The following EXOC5 variants were observed in gnomAD, a reference collection of about 807,000 sequenced individuals.
EXOC5 encodes SEC10-like 1.
A neutral mutation model predicts 90.8 loss-of-function variants in EXOC5; 17 were observed. The ratio of observed to expected loss-of-function variants is 0.19; its 90% confidence interval spans 0.13 to 0.28. The LOEUF is 0.28. Among genes scored for constraint, EXOC5 ranks in the 10% least tolerant of loss-of-function variants. The pLI is 1.00. For synonymous variants in EXOC5, 260 were observed against 270.0 expected (o/e 0.96, Z 0.36); for missense variants, 569 against 830.6 (o/e 0.69, Z 3.87).
chr14:57,260,640 A>AATT (rs1566507343), intron 1 of EXOC5, among the ~76,000 whole-genome samples: 1 of 152,162 alleles, frequency 6.6e-6, no homozygotes, highest in East Asian at 1.9e-4. Flanking sequence ...TTCCTGTTAC[A>AATT]CTAGTCTCAG....
chr14:57,231,542 G>C lies in EXOC5; in HGVS notation c.1112C>G (p.Ser371Trp). Reference protein sequence around the residue: ...SAMILQRYYDSKNHQKRSIGT... With the variant: ...SAMILQRYYDWKNHQKRSIGT... Reference sequence around the variant, plus strand: ...AATGGATCTCTTTTGATGGTTTTTCGAATCATAATAGCGCTGTAGGATCAT... The same window carrying C: ...AATGGATCTCTTTTGATGGTTTTTCCAATCATAATAGCGCTGTAGGATCAT... Residue 371 changes from serine (S) to tryptophan (W), a missense_variant, in exon 11 of 18, where the codon TCG becomes TGG. Physicochemically the swap from Ser to Trp is radical, Grantham distance 177 (BLOSUM62 -3). Coordinates refer to ENST00000621441, the MANE Select transcript of EXOC5 (RefSeq NM_006544.4). 6.2e-7 allele frequency: 1 copy of C among 1,611,182 alleles called. No individual in the cohort carries two copies.
At position 57,265,241 on chromosome 14, in the gene EXOC5, TACTCAACAAATATCTGTAGAATGA is replaced by T. The variant is rs552978620; in HGVS notation, c.27+3357_27+3380del. On this transcript the variant is annotated intron_variant, in intron 1 of 17. Transcript: ENST00000621441. ...AGAACTTTATCTTGAACTTAAAAGGTACTCAACAAATATCTGTAGAATGAATGAATAATTAACCCTAGTTACTAA... is the reference window on the plus strand; with the variant it reads ...AGAACTTTATCTTGAACTTAAAAGGTATGAATAATTAACCCTAGTTACTAA... 2.6e-4 allele frequency among the ~76,000 whole-genome samples: 39 copies of T among 151,974 alleles called. 1 individual carries two copies. In the East Asian group the frequency reaches 7.4e-3, roughly 29 times the overall value.
At chr14:57,244,429 A>C (rs141489979) in intron 3 of EXOC5, 70 bp from the exon 4 acceptor site, 24 of 1,034,366 alleles carry the variant, frequency 2.3e-5, no homozygotes, top group Non-Finnish European at 3.1e-5. Context: ...TACTACTCTT[A>C]TTGCTACTAA....
chr14:57,226,272 C>A (rs1439188069), intron 12 of EXOC5, among the ~76,000 whole-genome samples: 1 of 152,140 alleles, frequency 6.6e-6, no homozygotes, highest in Non-Finnish European at 1.5e-5. Context: ...CTTGAGTTTT[C>A]CCTTTGGCTT....
chr14:57,248,014 G>T (rs1030819230), intron 1 of EXOC5, among the ~76,000 whole-genome samples: 2 of 150,694 alleles, frequency 1.3e-5, no homozygotes, highest in African/African-American at 4.9e-5. Context: ...AAATAAAATG[G>T]TCAAAAAAAT....
chr14:57,258,836 A>T (rs1884420905), intron 1 of EXOC5, among the ~76,000 whole-genome samples: 1 of 152,202 alleles, frequency 6.6e-6, no homozygotes, highest in Non-Finnish European at 1.5e-5. Flanking sequence ...AGCAGATCCA[A>T]TACAATGTGT....
intron 4 of EXOC5, among the ~76,000 whole-genome samples, chr14:57,241,409 T>C (rs1183596069): frequency 6.6e-6 from 1 of 152,202 alleles, no homozygotes; most frequent in Non-Finnish European, 1.5e-5. Flanking sequence ...GCAAAATCCA[T>C]CATTTTCTCC....
chr14:57,250,543 C>T (rs1226085953), intron 1 of EXOC5, among the ~76,000 whole-genome samples: 1 of 152,144 alleles, frequency 6.6e-6, no homozygotes, highest in East Asian at 1.9e-4. Context: ...TTGGCACTGG[C>T]ACCTGATTGA....
chr14:57,259,898 T>C (rs1179736944), intron 1 of EXOC5, among the ~76,000 whole-genome samples: 2 of 152,196 alleles, frequency 1.3e-5, no homozygotes, highest in Admixed American at 1.3e-4. Context: ...AAACACTAGC[T>C]AGTTGGGGCC....
chr14:57,259,986 C>G (rs866341655), intron 1 of EXOC5, among the ~76,000 whole-genome samples: 1 of 152,124 alleles, frequency 6.6e-6, no homozygotes, highest in Non-Finnish European at 1.5e-5. Context: ...GCAGGACCAC[C>G]ACCCCACAAC....
intron 15 of EXOC5, among the ~76,000 whole-genome samples, chr14:57,210,656 T>C (rs1280422767): frequency 6.6e-6 from 1 of 152,182 alleles, no homozygotes. Context: ...ATGTGGACAA[T>C]CCGTGGCTGT....
intron 15 of EXOC5, among the ~76,000 whole-genome samples, chr14:57,217,587 TG>T (rs767409779): frequency 9.9e-5 from 15 of 152,162 alleles, no homozygotes; most frequent in Non-Finnish European, 1.8e-4. Flanking sequence ...CTCCAGATAA[TG>T]GCTGTTTCCC....
chr14:57,225,308 C>G (rs72720606), intron 12 of EXOC5, among the ~76,000 whole-genome samples: 4,548 of 152,136 alleles, frequency 0.03, 109 homozygotes, highest in South Asian at 0.063. Context: ...AACCACTCAG[C>G]TAAGTAGGAT....
chr14:57,255,777 A>G (rs1408696647), intron 1 of EXOC5, among the ~76,000 whole-genome samples: 3 of 151,512 alleles, frequency 2.0e-5, no homozygotes, highest in Non-Finnish European at 4.4e-5. Context: ...AGTTGCAGTG[A>G]GCCAAGATCA....
chr14:57,211,517 T>C (rs1882824421), intron 15 of EXOC5, among the ~76,000 whole-genome samples: 3 of 152,254 alleles, frequency 2.0e-5, no homozygotes, highest in Middle Eastern at 3.4e-3. Context: ...GTTACTGTGT[T>C]CCAAGCACTG....
At chr14:57,265,165 G>A (rs1884630978) in intron 1 of EXOC5, among the ~76,000 whole-genome samples, 1 of 150,626 alleles carries the variant, frequency 6.6e-6, no homozygotes, top group East Asian at 2.0e-4. Context: ...CATCTCATAG[G>A]ATTAATATTT....
Position 57,230,860 on chromosome 14 carries a change from C to CA in EXOC5, c.1148+645dup, listed in dbSNP as rs936103798. 4.8e-4 allele frequency among the ~76,000 whole-genome samples: 69 copies of CA among 145,052 alleles called. 1 individual carries two copies. The highest frequency in any genetic ancestry group is 3.5e-3 in the Middle Eastern group (1 of 286). The stretch of plus-strand genomic sequence containing the variant: ...ATTTTTTTCACACCTGCAACAGTAA[C>CA]AAAAAAAAGATGCGTTTCCTGGTCA... On this transcript the variant is annotated intron_variant, in intron 11 of 17. Coordinates refer to ENST00000621441, the MANE Select transcript of EXOC5 (RefSeq NM_006544.4).
rs1260000610 is a variant in EXOC5, at chr14:57,201,543, ACATAT to A, written c.*7061_*7065del. ...ATATATACACACACACCACACATAT[ACATAT>A]ATTTTTATATATATTAATATTATAT... On this transcript the variant is annotated 3_prime_UTR_variant, in exon 18 of 18. Coordinates refer to ENST00000621441, the MANE Select transcript of EXOC5 (RefSeq NM_006544.4). 9.5e-5 allele frequency: 13 copies of A among 136,654 alleles called. No individual in the cohort carries two copies. Among genetic ancestry groups the A allele is most frequent in the Admixed American group, 4.4e-4 (6 of 13,552 alleles). 8.5% of individuals were successfully genotyped at this position (136,654 alleles called of 1,614,324 possible).
chr14:57,235,682 A>G, intron 7 of EXOC5, 29 bp downstream of exon 7: 1 of 1,112,990 alleles, frequency 9.0e-7, no homozygotes, highest in Non-Finnish European at 1.3e-6. Context: ...AGCCTTGAAC[A>G]CTATTCATTT....
Sources: allele counts gnomAD v4.1 joint callset (sites outside exome capture counted in the v4.1 genomes callset), GRCh38; gene constraint gnomAD v4.1.1; transcripts MANE v1.5; gene names NCBI Gene and HGNC (gene_info 2026-07-23, HGNC 2026-07-21).